Variants in LPAR3 observed in about 807,000 individuals in gnomAD.
LPAR3 encodes lysophosphatidic acid receptor 3.
Under a neutral mutation model 17.8 loss-of-function variants are expected in LPAR3, and 7 were observed. The observed-to-expected ratio is 0.39, with a 90% CI of 0.22 to 0.74. The LOEUF (loss-of-function observed/expected upper bound fraction) is 0.74. LPAR3 is among the 30% of genes least tolerant of loss of function. The pLI is 0.40. For missense variants in LPAR3, 391 were observed against 453.4 expected, an observed-to-expected ratio of 0.86 and a Z score of 1.25; for synonymous variants, 179 against 179.9, an observed-to-expected ratio of 0.99 and a Z score of 0.04.
chr1:84,876,057 A>T (rs1660250096), intron 1 of LPAR3, among the ~76,000 whole-genome samples: 1 of 152,204 alleles, frequency 6.6e-6, no homozygotes, highest in Non-Finnish European at 1.5e-5. Context: ...ATTCTAATCA[A>T]GGCTTCAAAG....
At chr1:84,857,683 T>G (rs1659854801) in intron 2 of LPAR3, among the ~76,000 whole-genome samples, 1 of 152,206 alleles carries the variant, frequency 6.6e-6, no homozygotes, top group Non-Finnish European at 1.5e-5. Context: ...GTTATAAACT[T>G]CATGACTTGG....
chr1:84,892,955 C>G (rs1404601320), intron 1 of LPAR3, 61 bp downstream of exon 1: 1 of 152,380 alleles, frequency 6.6e-6, no homozygotes, highest in African/African-American at 2.4e-5. Flanking sequence ...GGCCTCCCCA[C>G]GACGCACGCC....
chr1:84,886,430 A>G (rs77888316), intron 1 of LPAR3, among the ~76,000 whole-genome samples: 2,438 of 152,208 alleles, frequency 0.016, 70 homozygotes, highest in African/African-American at 0.055. Flanking sequence ...GGAGGCTGAG[A>G]TAGGAGGACT....
At chr1:84,867,799 G>T (rs1427942040) in intron 1 of LPAR3, among the ~76,000 whole-genome samples, 1 of 152,018 alleles carries the variant, frequency 6.6e-6, no homozygotes, top group Non-Finnish European at 1.5e-5. Context: ...ATAAATTCAT[G>T]ATAATATCAT....
At chr1:84,820,452 A>G (rs2102745057) in intron 2 of LPAR3, among the ~76,000 whole-genome samples, 1 of 152,284 alleles carries the variant, frequency 6.6e-6, no homozygotes, top group South Asian at 2.1e-4. Flanking sequence ...TCGAAGTGAC[A>G]CTCAGTTGAG....
chr1:84,862,952 T>C (rs1045228308), intron 2 of LPAR3, among the ~76,000 whole-genome samples: 3 of 152,140 alleles, frequency 2.0e-5, no homozygotes, highest in African/African-American at 7.2e-5. Context: ...GAATTAGAAC[T>C]GGGGAGGTGG....
intron 2 of LPAR3, among the ~76,000 whole-genome samples, chr1:84,829,557 T>C (rs1025181225): frequency 6.6e-6 from 1 of 152,080 alleles, no homozygotes; most frequent in African/African-American, 2.4e-5. Context: ...CTGGAGGCTC[T>C]TGGGAAATGT....
chr1:84,837,653 G>A (rs1659432008), intron 2 of LPAR3, among the ~76,000 whole-genome samples: 1 of 152,194 alleles, frequency 6.6e-6, no homozygotes, highest in South Asian at 2.1e-4. Context: ...TAAGTTTGTT[G>A]ACACTGAAAA....
At chr1:84,863,954 G>A (rs1659989507) in intron 2 of LPAR3, among the ~76,000 whole-genome samples, 1 of 152,144 alleles carries the variant, frequency 6.6e-6, no homozygotes, top group Non-Finnish European at 1.5e-5. Flanking sequence ...GCTCACACCT[G>A]TAATCCCAGT....
chr1:84,877,089 T>C (rs1169223931), intron 1 of LPAR3, among the ~76,000 whole-genome samples: 1 of 152,178 alleles, frequency 6.6e-6, no homozygotes, highest in African/African-American at 2.4e-5. Flanking sequence ...ATTTCATACA[T>C]GATATGGATT....
intron 2 of LPAR3, among the ~76,000 whole-genome samples, chr1:84,821,204 A>C (rs967289453): frequency 1.3e-5 from 2 of 151,948 alleles, no homozygotes; most frequent in Non-Finnish European, 2.9e-5. Context: ...TTAAACTTCA[A>C]AATCAGAGCT....
rs976713911 is a variant in LPAR3, at chr1:84,813,532, A to G, written c.*314T>C. The stretch of plus-strand genomic sequence containing the variant: ...AGCCCTTTCATAACGTCCTTTTAAA[A>G]TACAAAGAGAATGGCTACGAAATGG... On this transcript the variant is annotated 3_prime_UTR_variant, in exon 3 of 3. Coordinates refer to ENST00000370611, the MANE Select transcript of LPAR3 (RefSeq NM_012152.3). 7 of 271,386 alleles carry G rather than the reference A, an allele frequency of 2.6e-5. No homozygotes were observed. The highest frequency in any genetic ancestry group is 4.2e-5 in the Non-Finnish European group (6 of 142,234). 16.8% of individuals were successfully genotyped at this position (271,386 alleles called of 1,614,324 possible). A position where few individuals can be genotyped will look rare whatever the true frequency, so the allele number is the denominator to read the frequency against.
At chr1:84,867,832 TC>T (rs1190375871) in intron 1 of LPAR3, among the ~76,000 whole-genome samples, 2 of 152,132 alleles carry the variant, frequency 1.3e-5, no homozygotes, top group African/African-American at 4.8e-5. Flanking sequence ...TATCATAATT[TC>T]CCCAAATTAA....
intron 1 of LPAR3, among the ~76,000 whole-genome samples, chr1:84,891,278 T>C (rs958021292): frequency 6.6e-6 from 1 of 152,160 alleles, no homozygotes; most frequent in African/African-American, 2.4e-5. Flanking sequence ...GAAAAAATTT[T>C]TGCCAAAATG....
chr1:84,834,142 T>A lies in LPAR3; in HGVS notation c.737-19971A>T, dbSNP rs555081855. On this transcript the variant is annotated intron_variant, in intron 2 of 2. Transcript: ENST00000370611. Reference sequence around the variant, plus strand: ...GCCTAGCCATGCTGCAAATATTTTTTAAAAATTTTCATGTCCACTTTCTCA... The same window carrying A: ...GCCTAGCCATGCTGCAAATATTTTTAAAAAATTTTCATGTCCACTTTCTCA... Among the ~76,000 whole-genome samples, 573 of 152,268 alleles carry A rather than the reference T, an allele frequency of 3.8e-3. 8 individuals carry two copies. The highest frequency in any genetic ancestry group is 3.4e-3 in the Middle Eastern group (1 of 294).
chr1:84,851,917 G>T (rs538436954), intron 2 of LPAR3, among the ~76,000 whole-genome samples: 3 of 152,266 alleles, frequency 2.0e-5, no homozygotes, highest in East Asian at 3.9e-4. Flanking sequence ...AGCTGGTGGT[G>T]GGGGAAGGCC....
chr1:84,854,814 G>A (rs1659787696), intron 2 of LPAR3, among the ~76,000 whole-genome samples: 1 of 152,200 alleles, frequency 6.6e-6, no homozygotes, highest in Non-Finnish European at 1.5e-5. Flanking sequence ...GGCATCCAAG[G>A]ACAGGTATAT....
At chr1:84,873,762 T>C (rs567746944) in intron 1 of LPAR3, among the ~76,000 whole-genome samples, 1 of 127,952 alleles carries the variant, frequency 7.8e-6, no homozygotes, top group Non-Finnish European at 1.5e-5. Flanking sequence ...TTGTTTGTTT[T>C]TTTTTTTTGA....
At chr1:84,865,282 G>A in intron 2 of LPAR3, 103 bp downstream of exon 2, 1 of 1,276,688 alleles carries the variant, frequency 7.8e-7, no homozygotes, top group Non-Finnish European at 1.1e-6. Flanking sequence ...CTTGTTCACT[G>A]CTGCATTCTT....
Sources: gnomAD v4.1 joint callset for allele counts (sites outside exome capture counted in the v4.1 genomes callset) on GRCh38, gnomAD v4.1.1 for gene constraint, MANE v1.5 for transcripts, NCBI Gene and HGNC (gene_info 2026-07-23, HGNC 2026-07-21) for gene names.